ARID5B: variants seen among roughly 807,000 people sequenced by gnomAD.
ARID5B encodes AT-rich interaction domain 5B, also known as AT-rich interactive domain-containing protein 5B.
A neutral mutation model predicts 97.2 loss-of-function variants in ARID5B; 13 were observed. The ratio of observed to expected loss-of-function variants is 0.13; its 90% confidence interval spans 0.09 to 0.21. The LOEUF (loss-of-function observed/expected upper bound fraction) is 0.21, where lower values mean the gene tolerates loss of function less well. Ranked by LOEUF, ARID5B falls within the 10% of genes least tolerant of loss-of-function variation. The probability of loss-of-function intolerance (pLI) is 1.00; values close to 1 mark genes in which losing one functional copy is unlikely to be tolerated. For missense variants in ARID5B, 1,210 were observed against 1,465.3 expected (o/e 0.83, Z 2.84); for synonymous variants, 556 against 570.3 (o/e 0.97, Z 0.36).
chr10:61,928,462 G>A (rs531930268), intron 2 of ARID5B, among the ~76,000 whole-genome samples: 61 of 152,134 alleles, frequency 4.0e-4, no homozygotes, highest in Non-Finnish European at 6.8e-4. Flanking sequence ...CACCATGCCT[G>A]GCTCATTTTT....
At chr10:62,029,670 G>A (rs1022898982) in intron 4 of ARID5B, among the ~76,000 whole-genome samples, 6 of 152,184 alleles carry the variant, frequency 3.9e-5, no homozygotes, top group African/African-American at 1.2e-4. Flanking sequence ...TTGCCTGTAG[G>A]ACTCCATCCT....
Position 62,082,500 on chromosome 10 carries a change from C to T in ARID5B, c.1200-3202C>T, listed in dbSNP as rs369175500. 4.6e-5 allele frequency among the ~76,000 whole-genome samples: 7 copies of T among 152,148 alleles called. No homozygotes were observed. The East Asian group carries it at 1.3e-3, about 29-fold the overall frequency. ...TCTTGGGGGCTGGAGTGCATGTTTG[C>T]TTTTATCTGTACAGTTTAGAAACTG... On this transcript the variant is annotated intron_variant, in intron 8 of 9. Coordinates refer to ENST00000279873, the MANE Select transcript of ARID5B (RefSeq NM_032199.3).
At chr10:61,927,144 C>T (rs558129056) in intron 2 of ARID5B, among the ~76,000 whole-genome samples, 1 of 152,214 alleles carries the variant, frequency 6.6e-6, no homozygotes, top group East Asian at 1.9e-4. Flanking sequence ...ATTTGAATCC[C>T]ACTTGCCCTC....
intron 3 of ARID5B, among the ~76,000 whole-genome samples, chr10:61,950,742 C>G (rs1376013783): frequency 6.6e-6 from 1 of 152,186 alleles, no homozygotes; most frequent in Non-Finnish European, 1.5e-5. Context: ...TCAGCAGTTC[C>G]CCTTTCAGTT....
intron 3 of ARID5B, among the ~76,000 whole-genome samples, chr10:61,949,796 A>T (rs1180015660): frequency 1.3e-5 from 2 of 152,194 alleles, no homozygotes; most frequent in Admixed American, 1.3e-4. Context: ...TGAAAGAATA[A>T]ATTCATTTAT....
At chr10:61,908,820 A>AAAAAAAAG (rs1251041161) in intron 2 of ARID5B, among the ~76,000 whole-genome samples, 2 of 146,168 alleles carry the variant, frequency 1.4e-5, no homozygotes, top group African/African-American at 5.3e-5. Context: ...AAAAAAAAAA[A>AAAAAAAAG]AAGAAGAAGA....
intron 3 of ARID5B, among the ~76,000 whole-genome samples, chr10:61,941,564 C>T (rs1844410983): frequency 6.6e-6 from 1 of 151,552 alleles, no homozygotes; most frequent in Admixed American, 6.6e-5. Context: ...CAAACCTAGG[C>T]AATTTATTTT....
rs568748726 is a variant in ARID5B, at chr10:61,991,368, T to C, written c.503-8723T>C. ...CTTGCCAACACTTGGGATTTTTTTCTTTTCATTTTTATAATAGTCATCCTA... is the reference window on the plus strand; with the variant it reads ...CTTGCCAACACTTGGGATTTTTTTCCTTTCATTTTTATAATAGTCATCCTA... On this transcript the variant is annotated intron_variant, in intron 3 of 9. Transcript: ENST00000279873. 1.3e-4 allele frequency among the ~76,000 whole-genome samples: 20 copies of C among 152,302 alleles called. 1 individual carries two copies. In the East Asian group the frequency reaches 3.9e-3, roughly 29 times the overall value.
chr10:61,995,108 G>C (rs140989979), intron 3 of ARID5B, among the ~76,000 whole-genome samples: 1 of 152,190 alleles, frequency 6.6e-6, no homozygotes, highest in African/African-American at 2.4e-5. Flanking sequence ...CAACCAACTA[G>C]AGTGTGTTAG....
At chr10:62,038,519 T>A (rs1231277715) in intron 4 of ARID5B, among the ~76,000 whole-genome samples, 1 of 152,218 alleles carries the variant, frequency 6.6e-6, no homozygotes, top group Non-Finnish European at 1.5e-5. Flanking sequence ...TGAGCATGAT[T>A]TTTTTAAGTT....
intron 4 of ARID5B, among the ~76,000 whole-genome samples, chr10:62,026,234 T>C (rs1350405748): frequency 6.6e-6 from 1 of 152,238 alleles, no homozygotes; most frequent in Non-Finnish European, 1.5e-5. Context: ...GAAAACCTTC[T>C]CTTCCATCAT....
At chr10:61,906,084 A>T (rs1843702842) in intron 2 of ARID5B, among the ~76,000 whole-genome samples, 1 of 152,234 alleles carries the variant, frequency 6.6e-6, no homozygotes, top group Admixed American at 6.5e-5. Flanking sequence ...CAAAGTAGGG[A>T]TGACTATAGA....
At chr10:62,043,710 G>A (rs893511638) in intron 4 of ARID5B, among the ~76,000 whole-genome samples, 1 of 152,224 alleles carries the variant, frequency 6.6e-6, no homozygotes, top group Non-Finnish European at 1.5e-5. Flanking sequence ...GGCAGAGAGA[G>A]ACGGCGGATC....
chr10:62,010,469 C>T (rs1453029933), intron 4 of ARID5B, among the ~76,000 whole-genome samples: 2 of 152,212 alleles, frequency 1.3e-5, no homozygotes, highest in Non-Finnish European at 2.9e-5. Context: ...GAAAACTCTG[C>T]TAGATCCGAG....
intron 3 of ARID5B, 66 bp downstream of exon 3, chr10:61,940,474 T>A (rs2132796028): frequency 7.3e-7 from 1 of 1,363,686 alleles, no homozygotes; most frequent in East Asian, 2.5e-5. Context: ...GGTTGAAGAT[T>A]TTTCTGGAAA....
chr10:61,970,662 G>C (rs1181467056), intron 3 of ARID5B, among the ~76,000 whole-genome samples: 1 of 152,166 alleles, frequency 6.6e-6, no homozygotes, highest in Non-Finnish European at 1.5e-5. Flanking sequence ...GTTGGAACAG[G>C]AAACTGTTAG....
At chr10:61,940,787 A>T (rs1048584136) in intron 3 of ARID5B, among the ~76,000 whole-genome samples, 17 of 150,760 alleles carry the variant, frequency 1.1e-4, no homozygotes, top group Non-Finnish European at 2.1e-4. Context: ...TTTTACATTG[A>T]GTGGAAAACA....
At chr10:62,020,901 G>A (rs1418451537) in intron 4 of ARID5B, among the ~76,000 whole-genome samples, 3 of 151,624 alleles carry the variant, frequency 2.0e-5, no homozygotes, top group South Asian at 2.1e-4. Flanking sequence ...AAATGAAAAG[G>A]CCAAGCTGCC....
chr10:61,956,615 CTAA>C (rs773236693), intron 3 of ARID5B, among the ~76,000 whole-genome samples: 15 of 152,214 alleles, frequency 9.9e-5, no homozygotes, highest in Non-Finnish European at 1.8e-4. Context: ...AGGTCAAACA[CTAA>C]TAACCTCAAT....
Sources: gnomAD v4.1 joint callset for allele counts (sites outside exome capture counted in the v4.1 genomes callset) on GRCh38, gnomAD v4.1.1 for gene constraint, MANE v1.5 for transcripts, NCBI Gene and HGNC (gene_info 2026-07-23, HGNC 2026-07-21) for gene names.